The following ABLIM3 variants were observed in gnomAD, a reference collection of about 807,000 sequenced individuals.
ABLIM3 encodes actin binding LIM protein family member 3, also known as actin-binding LIM protein 3.
ABLIM3 carries 61 observed loss-of-function variants against 109.5 expected under a neutral mutation model. The observed-to-expected ratio is 0.56, with a 90% confidence interval of 0.45 to 0.69. The LOEUF (loss-of-function observed/expected upper bound fraction) is 0.69, where lower values mean the gene tolerates loss of function less well. Ranked by LOEUF, ABLIM3 falls within the 30% of genes least tolerant of loss-of-function variation. ABLIM3 has a pLI of 0.00. For missense variants in ABLIM3, 796 were observed against 889.5 expected, an observed-to-expected ratio of 0.89 and a Z score of 1.34; for synonymous variants, 300 against 324.8, an observed-to-expected ratio of 0.92 and a Z score of 0.82.
chr5:149,235,835 C>T (rs1026029019), intron 10 of ABLIM3, among the ~76,000 whole-genome samples: 6 of 152,108 alleles, frequency 3.9e-5, no homozygotes, highest in South Asian at 2.1e-4. Context: ...GGTTTCATGA[C>T]GGAGTTGTGG....
intron 2 of ABLIM3, among the ~76,000 whole-genome samples, chr5:149,171,405 TGAAAG>T (rs1259195968): frequency 2.0e-5 from 3 of 152,170 alleles, no homozygotes; most frequent in Non-Finnish European, 4.4e-5. Context: ...TCAAAAATCT[TGAAAG>T]GAAGGTAAAA....
At position 149,203,690 on chromosome 5, in the gene ABLIM3, C is replaced by T. The variant is rs557259661; in HGVS notation, c.448+3262C>T. On this transcript the variant is annotated intron_variant, in intron 5 of 23. Transcript: ENST00000309868. Reference sequence around the variant, plus strand: ...CTATCGCCAGCACCAGCAGCATCAACACCATCACCACCATTATTATTACCA... The same window carrying T: ...CTATCGCCAGCACCAGCAGCATCAATACCATCACCACCATTATTATTACCA... Among the ~76,000 whole-genome samples the T allele has an allele frequency of 1.8e-3, 253 of 137,398 alleles. 2 individuals are homozygous for T. Among genetic ancestry groups the T allele is most frequent in the African/African-American group, 6.0e-3 (234 of 39,310 alleles). The allele number at this position is 137,398 out of a possible 152,430, so 90.1% of individuals were successfully genotyped here.
At chr5:149,193,771 T>C (rs1363064740) in intron 3 of ABLIM3, among the ~76,000 whole-genome samples, 1 of 152,206 alleles carries the variant, frequency 6.6e-6, no homozygotes, top group Non-Finnish European at 1.5e-5. Flanking sequence ...CCAATGGAAC[T>C]GAATATAGAA....
chr5:149,204,930 T>A (rs1018044920), intron 5 of ABLIM3, among the ~76,000 whole-genome samples: 2 of 152,168 alleles, frequency 1.3e-5, no homozygotes, highest in African/African-American at 4.8e-5. Flanking sequence ...GTCGAAGAGA[T>A]AGGATTCATT....
At chr5:149,163,536 T>C (rs565327590) in intron 2 of ABLIM3, among the ~76,000 whole-genome samples, 2 of 152,098 alleles carry the variant, frequency 1.3e-5, no homozygotes, top group Non-Finnish European at 2.9e-5. Context: ...CTGAGTCCTC[T>C]CTCCTTGGCA....
intron 23 of ABLIM3, among the ~76,000 whole-genome samples, 179 bp downstream of exon 23, chr5:149,253,016 A>G (rs1754085353): frequency 6.6e-6 from 1 of 152,070 alleles, no homozygotes; most frequent in Non-Finnish European, 1.5e-5. Context: ...CTATTCCCCA[A>G]AACTGTCCCA....
chr5:149,259,464 C>G lies in ABLIM3; in HGVS notation c.*1060C>G. ...AAAGAAAGGTTCTTGGTCTATGCCT[C>G]TGGTCTGTGGGCTGGCAGGGCAACC... is the stretch of plus-strand genomic sequence containing the variant. On this transcript the variant is annotated 3_prime_UTR_variant, in exon 24 of 24. Transcript: ENST00000309868. 1 of 1,535,626 alleles carries G rather than the reference C, an allele frequency of 6.5e-7. No individual in the cohort carries two copies. Among genetic ancestry groups the G allele is most frequent in the Admixed American group, 2.0e-5 (1 of 50,994 alleles).
chr5:149,164,135 G>C (rs994348903), intron 2 of ABLIM3: 5 of 152,168 alleles, frequency 3.3e-5, no homozygotes, highest in African/African-American at 1.2e-4. Context: ...CACCAGAATG[G>C]TGGGCCTGAC....
intron 21 of ABLIM3, among the ~76,000 whole-genome samples, chr5:149,251,739 T>A (rs1753947262): frequency 6.6e-6 from 1 of 152,180 alleles, no homozygotes; most frequent in Admixed American, 6.5e-5. Flanking sequence ...AGGGAAGCAC[T>A]CAGAGCCAAT....
At chr5:149,163,682 C>A (rs187856687) in intron 2 of ABLIM3, among the ~76,000 whole-genome samples, 223 of 152,248 alleles carry the variant, frequency 1.5e-3, no homozygotes, top group African/African-American at 5.1e-3. Context: ...ACTTAATTTT[C>A]TCTTTAAAAA....
In ABLIM3 at chr5:149,210,725, G is replaced by A. The variant is rs1420663677; in HGVS notation, c.576-1G>A. The A allele has an allele frequency of 6.2e-7, 1 of 1,613,784 alleles. No homozygotes were observed. Among genetic ancestry groups the A allele is most frequent in the Non-Finnish European group, 8.5e-7 (1 of 1,179,848 alleles). ...CATCCTATGTGAACTTCTTCTTGCAGGGATGGTGTTCCATACTGTGAGTCC... is the reference window on the plus strand; with the variant it reads ...CATCCTATGTGAACTTCTTCTTGCAAGGATGGTGTTCCATACTGTGAGTCC... On this transcript the variant is annotated splice_acceptor_variant, in intron 6 of 23. Coordinates refer to ENST00000309868, the MANE Select transcript of ABLIM3 (RefSeq NM_014945.5). LOFTEE classifies it high-confidence loss of function.
intron 2 of ABLIM3, among the ~76,000 whole-genome samples, chr5:149,143,316 T>C (rs1752652671): frequency 6.6e-6 from 1 of 151,214 alleles, no homozygotes; most frequent in African/African-American, 2.4e-5. Context: ...TGAGCCGAGA[T>C]CACACCACTG....
intron 2 of ABLIM3, among the ~76,000 whole-genome samples, chr5:149,147,568 T>C (rs1275306401): frequency 6.6e-6 from 1 of 152,210 alleles, no homozygotes; most frequent in Non-Finnish European, 1.5e-5. Context: ...CTGCCTTTAG[T>C]TGAAAAAGAT....
intron 6 of ABLIM3, among the ~76,000 whole-genome samples, chr5:149,209,942 T>C (rs1328666982): frequency 1.3e-5 from 2 of 152,030 alleles, no homozygotes; most frequent in Non-Finnish European, 2.9e-5. Flanking sequence ...GGTCTCTCAG[T>C]GTCTGAGCCA....
chr5:149,217,156 C>A, intron 8 of ABLIM3, 110 bp downstream of exon 8: 1 of 1,108,076 alleles, frequency 9.0e-7, no homozygotes, highest in Non-Finnish European at 1.3e-6. Context: ...GTTATCTTGG[C>A]TTTTGCCTTG....
At chr5:149,250,382 T>G in intron 19 of ABLIM3, 65 bp from the exon 20 acceptor site, 1 of 1,547,098 alleles carries the variant, frequency 6.5e-7, no homozygotes, top group Non-Finnish European at 8.9e-7. Flanking sequence ...GGTAGCCAGA[T>G]GACCTCAGGG....
At chr5:149,162,049 T>G (rs1242812206) in intron 2 of ABLIM3, among the ~76,000 whole-genome samples, 5 of 152,208 alleles carry the variant, frequency 3.3e-5, no homozygotes, top group Non-Finnish European at 7.3e-5. Flanking sequence ...GAGTGATCCT[T>G]GCCTCACCTG....
At chr5:149,151,226 C>T (rs1176428391) in intron 2 of ABLIM3, among the ~76,000 whole-genome samples, 1 of 152,190 alleles carries the variant, frequency 6.6e-6, no homozygotes, top group African/African-American at 2.4e-5. Context: ...TTCACATCAC[C>T]TTTATCCATG....
At chr5:149,148,067 T>A (rs1002901687) in intron 2 of ABLIM3, among the ~76,000 whole-genome samples, 1 of 152,204 alleles carries the variant, frequency 6.6e-6, no homozygotes, top group Admixed American at 6.5e-5. Context: ...TGTGATTTTT[T>A]AAGGATTAAA....
Sources: gnomAD v4.1 joint callset for allele counts (sites outside exome capture counted in the v4.1 genomes callset) on GRCh38, gnomAD v4.1.1 for gene constraint, MANE v1.5 for transcripts, NCBI Gene and HGNC (gene_info 2026-07-23, HGNC 2026-07-21) for gene names.